The following FLT1 variants were observed in gnomAD, a reference collection of about 807,000 sequenced individuals.
FLT1 encodes the protein vascular endothelial growth factor receptor 1.
Under a neutral mutation model 156.3 loss-of-function variants are expected in FLT1, and 49 were observed. That is an observed-to-expected ratio of 0.31 (90% CI 0.25 to 0.40). FLT1 has a LOEUF of 0.40. Ranked by LOEUF, FLT1 falls within the 10% of genes least tolerant of loss-of-function variation. The probability of loss-of-function intolerance (pLI) is 1.00; values close to 1 mark genes in which losing one functional copy is unlikely to be tolerated. For synonymous variants in FLT1, 594 were observed against 583.8 expected, an observed-to-expected ratio of 1.02 and a Z score of -0.25; for missense variants, 1,322 against 1,637.2, an observed-to-expected ratio of 0.81 and a Z score of 3.32.
rs2138800012 is a variant in FLT1 at position 28,302,058 on chromosome 13, G to A, written c.*1109C>T. On this transcript the variant is annotated 3_prime_UTR_variant, in exon 30 of 30. Transcript: ENST00000282397. ...CCAACTGTGTTGGTGAATTGGTTTGGTTGGTATAGAGACGGGGTTTTCCCT... is the reference window on the plus strand; with the variant it reads ...CCAACTGTGTTGGTGAATTGGTTTGATTGGTATAGAGACGGGGTTTTCCCT... 4.3e-6 allele frequency: 1 copy of A among 233,510 alleles called. No homozygotes were observed. Among genetic ancestry groups the A allele is most frequent in the South Asian group, 1.8e-4 (1 of 5,520 alleles). 14.5% of individuals were successfully genotyped at this position (233,510 alleles called of 1,614,324 possible).
At chr13:28,396,925 C>G in intron 12 of FLT1, 35 bp downstream of exon 12, 1 of 1,216,616 alleles carries the variant, frequency 8.2e-7, no homozygotes, top group Non-Finnish European at 1.2e-6. Context: ...AATGAAGTCA[C>G]CAGGCTGTCT....
chr13:28,386,788 T>C (rs1874391604), intron 13 of FLT1: 4 of 1,053,528 alleles, frequency 3.8e-6, no homozygotes, highest in South Asian at 9.1e-5. Context: ...AAGAACAGTA[T>C]CATATTATTA....
At chr13:28,443,074 TG>T (rs767447594) in intron 3 of FLT1, among the ~76,000 whole-genome samples, 1 of 152,170 alleles carries the variant, frequency 6.6e-6, no homozygotes, top group Non-Finnish European at 1.5e-5. Flanking sequence ...TCAGACACAC[TG>T]TCACCAGGGA....
At chr13:28,331,432 C>T (rs761576962) in intron 18 of FLT1, among the ~76,000 whole-genome samples, 4 of 152,266 alleles carry the variant, frequency 2.6e-5, no homozygotes, top group Non-Finnish European at 4.4e-5. Flanking sequence ...CTTTGTTTCA[C>T]TTTATGCTTT....
intron 10 of FLT1, among the ~76,000 whole-genome samples, chr13:28,418,407 G>A (rs140770771): frequency 2.0e-4 from 31 of 152,198 alleles, no homozygotes; most frequent in Non-Finnish European, 4.3e-4. Flanking sequence ...TCTAACTCAC[G>A]ACAGACAAGA....
At position 28,433,453 on chromosome 13, in the gene FLT1, T is replaced by C. The variant is rs150866413; in HGVS notation, c.813+366A>G. On this transcript the variant is annotated intron_variant, in intron 6 of 29. Transcript: ENST00000282397. ...GAGACAGCCTCCTGGAAAGTTGTTGTTGTTGTTACAAAAGGCAGTCCCTGC... is the reference window on the plus strand; with the variant it reads ...GAGACAGCCTCCTGGAAAGTTGTTGCTGTTGTTACAAAAGGCAGTCCCTGC... Among the ~76,000 whole-genome samples the C allele has an allele frequency of 1.2e-4, 19 of 152,352 alleles. No individual in the cohort carries two copies. In the East Asian group the frequency reaches 3.7e-3, roughly 29 times the overall value.
chr13:28,352,055 T>C (rs1593701892), intron 15 of FLT1, among the ~76,000 whole-genome samples: 1 of 152,318 alleles, frequency 6.6e-6, no homozygotes, highest in East Asian at 1.9e-4. Context: ...ATGCAGCCCA[T>C]GAAGAGTGAG....
At chr13:28,463,662 T>C (rs1435086051) in intron 3 of FLT1, among the ~76,000 whole-genome samples, 1 of 152,084 alleles carries the variant, frequency 6.6e-6, no homozygotes, top group East Asian at 1.9e-4. Context: ...TATTAGGAAA[T>C]GGTTGGAGTT....
At chr13:28,493,348 C>A (rs541830227) in intron 1 of FLT1, among the ~76,000 whole-genome samples, 49 of 152,148 alleles carry the variant, frequency 3.2e-4, no homozygotes, top group Non-Finnish European at 6.3e-4. Flanking sequence ...TAGCACCTTT[C>A]CCAACCTACA....
At chr13:28,386,130 G>A in intron 13 of FLT1, 1 of 1,052,646 alleles carries the variant, frequency 9.5e-7, no homozygotes, top group Non-Finnish European at 1.1e-6. Context: ...TCATCTTAGT[G>A]TACTAAAACT....
chr13:28,396,934 C>T (rs754704442), intron 12 of FLT1, 26 bp downstream of exon 12: 4 of 1,298,278 alleles, frequency 3.1e-6, no homozygotes, highest in Non-Finnish European at 4.5e-6. Flanking sequence ...ACCAGGCTGT[C>T]TCTGGTTATA....
At position 28,481,442 on chromosome 13, in the gene FLT1, T is replaced by TACACACAC. The variant is rs397687323; in HGVS notation, c.64+13330_64+13337dup. Among the ~76,000 whole-genome samples, 800 of 142,624 alleles carry TACACACAC rather than the reference T, an allele frequency of 5.6e-3. 2 individuals are homozygous for TACACACAC. The highest frequency in any genetic ancestry group is 0.01 in the African/African-American group (400 of 38,318). The allele number at this position is 142,624 out of a possible 152,430, so 93.6% of individuals were successfully genotyped here. ...TATTTCTCCTAACCTCCTCCGCTTA[T>TACACACAC]ACACACACACACACACACACACACA... On this transcript the variant is annotated intron_variant, in intron 1 of 29. Coordinates refer to ENST00000282397, the MANE Select transcript of FLT1 (RefSeq NM_002019.4).
chr13:28,426,408 A>T (rs1877344128), intron 10 of FLT1, among the ~76,000 whole-genome samples: 1 of 152,174 alleles, frequency 6.6e-6, no homozygotes, highest in African/African-American at 2.4e-5. Flanking sequence ...GAGGGTAGGG[A>T]TGTATTCATT....
intron 14 of FLT1, among the ~76,000 whole-genome samples, chr13:28,374,934 G>C (rs1873779787): frequency 6.6e-6 from 1 of 151,946 alleles, no homozygotes; most frequent in Admixed American, 6.6e-5. Flanking sequence ...AACTAGCAGG[G>C]GGCCCTGCTA....
chr13:28,450,666 C>A (rs1240426131), intron 3 of FLT1, among the ~76,000 whole-genome samples: 1 of 152,152 alleles, frequency 6.6e-6, no homozygotes, highest in African/African-American at 2.4e-5. Context: ...GTCCCAAGTC[C>A]TATTATTTAT....
chr13:28,403,592 G>A (rs1323583662), intron 11 of FLT1, among the ~76,000 whole-genome samples: 1 of 152,162 alleles, frequency 6.6e-6, no homozygotes, highest in African/African-American at 2.4e-5. Flanking sequence ...AAATTCTTGT[G>A]TTAATATCCG....
chr13:28,319,722 A>G (rs781360320), intron 23 of FLT1, among the ~76,000 whole-genome samples, 188 bp from the exon 24 acceptor site: 1 of 152,214 alleles, frequency 6.6e-6, no homozygotes, highest in Non-Finnish European at 1.5e-5. Flanking sequence ...CTAGAGTGCT[A>G]TACTGAGTCC....
In FLT1 at chr13:28,372,076, A is replaced by ATTT. The variant is rs56114428; in HGVS notation, c.2116+12806_2116+12808dup. 2.0e-3 allele frequency among the ~76,000 whole-genome samples: 23 copies of ATTT among 11,758 alleles called. 2 individuals carry two copies. The highest frequency in any genetic ancestry group is 6.7e-3 in the African/African-American group (21 of 3,152). 7.7% of individuals were successfully genotyped at this position (11,758 alleles called of 152,430 possible). A position where few individuals can be genotyped will look rare whatever the true frequency, so the allele number is the denominator to read the frequency against. On this transcript the variant is annotated intron_variant, in intron 14 of 29. Coordinates refer to ENST00000282397, the MANE Select transcript of FLT1 (RefSeq NM_002019.4). The stretch of plus-strand genomic sequence containing the variant: ...TATATATATATATATATATATATAT[A>ATTT]TTTTTTTTTTTTTTTTTTTTTTTGA...
intron 3 of FLT1, among the ~76,000 whole-genome samples, chr13:28,449,128 T>A (rs940974660): frequency 6.6e-6 from 1 of 152,038 alleles, no homozygotes; most frequent in Non-Finnish European, 1.5e-5. Context: ...AAAAAAATTT[T>A]AAAAATTAGC....
Sources: gnomAD v4.1 joint callset for allele counts (sites outside exome capture counted in the v4.1 genomes callset) on GRCh38, gnomAD v4.1.1 for gene constraint, MANE v1.5 for transcripts, NCBI Gene and HGNC (gene_info 2026-07-23, HGNC 2026-07-21) for gene names.